Variants in DCAF8L2 observed in about 807,000 individuals in gnomAD.
DCAF8L2 encodes the protein DDB1 and CUL4 associated factor 8 like 2.
For synonymous variants in DCAF8L2, 200 were observed against 190.9 expected, an observed-to-expected ratio of 1.05 and a Z score of -0.39; for missense variants, 430 against 490.7, an observed-to-expected ratio of 0.88 and a Z score of 1.17.
chrX:27,592,421 T>TTG (rs1555916386), intron 1 of DCAF8L2, among the ~76,000 whole-genome samples: 10 of 100,998 alleles, frequency 9.9e-5, no homozygotes, highest in Non-Finnish European at 1.2e-4. Flanking sequence ...GTTTTTGTTT[T>TTG]TTTTTTTTTT....
At chrX:27,514,838 A>C in the DCAF8L2 span, among the ~76,000 whole-genome samples, 1 of 110,787 alleles carries the variant, frequency 9.0e-6, no homozygotes, top group Non-Finnish European at 1.9e-5. Context: ...AAAAAGGCTG[A>C]TTTTATAGAT....
the DCAF8L2 span, among the ~76,000 whole-genome samples, chrX:27,469,536 C>A: frequency 9.0e-6 from 1 of 111,677 alleles, no homozygotes; most frequent in African/African-American, 3.2e-5. Flanking sequence ...TTCGTCTTAA[C>A]ATTTTTGCCT....
intron 1 of DCAF8L2, among the ~76,000 whole-genome samples, chrX:27,627,626 T>TGGTG (rs1340739983): frequency 1.3e-3 from 142 of 108,111 alleles, no homozygotes; most frequent in Admixed American, 0.013. Context: ...CCGGGCACAG[T>TGGTG]GTCTCATGCC....
At chrX:27,561,459 A>G in the DCAF8L2 span, among the ~76,000 whole-genome samples, 2 of 111,795 alleles carry the variant, frequency 1.8e-5, no homozygotes, top group African/African-American at 6.5e-5. Context: ...TATGTTATAT[A>G]TAATTGACCA....
At chrX:27,726,940 T>G (rs1460858752) in intron 4 of DCAF8L2, among the ~76,000 whole-genome samples, 2 of 111,955 alleles carry the variant, frequency 1.8e-5, no homozygotes, top group Non-Finnish European at 1.9e-5. Flanking sequence ...ATAGTGGTAT[T>G]GTTGGATCAG....
intron 2 of DCAF8L2, among the ~76,000 whole-genome samples, chrX:27,674,543 A>T (rs975827768): frequency 9.0e-6 from 1 of 111,195 alleles, no homozygotes. Context: ...AAAGATGTGC[A>T]CACTGACTTT....
At position 27,596,799 on chromosome X, in the gene DCAF8L2, TATTTA is replaced by T. The variant is rs200674601; in HGVS notation, c.-342+6360_-342+6364del. Among the ~76,000 whole-genome samples the T allele has an allele frequency of 0.034, 551 of 16,163 alleles. 17 individuals are homozygous for T. In the East Asian group the frequency reaches 0.58, roughly 17 times the overall value. The allele number at this position is 16,163 out of a possible 115,157, so 14.0% of individuals were successfully genotyped here. A position where few individuals can be genotyped will look rare whatever the true frequency, so the allele number is the denominator to read the frequency against. On this transcript the variant is annotated intron_variant, in intron 1 of 4. Coordinates refer to ENST00000451261, the MANE Select transcript of DCAF8L2 (RefSeq NM_001353450.2). ...TGAGTATCAATATTATTATGGACAT[TATTTA>T]TCAATTGGGATATGTCTCTTATTTT...
In DCAF8L2 at chrX:27,746,846, G is replaced by A. The variant is rs1341476236; in HGVS notation, c.-50G>A. ...GCCAACTTTCTTCCCAGAGCTTTTAGGGGCCTGGCCTTTGCAGTTCCAGAT... is the reference window on the plus strand; with the variant it reads ...GCCAACTTTCTTCCCAGAGCTTTTAAGGGCCTGGCCTTTGCAGTTCCAGAT... On this transcript the variant is annotated 5_prime_UTR_variant, in exon 5 of 5. Coordinates refer to ENST00000451261, the MANE Select transcript of DCAF8L2 (RefSeq NM_001353450.2). 5.3e-6 allele frequency: 6 copies of A among 1,126,234 alleles called. No homozygotes were observed. Among genetic ancestry groups the A allele is most frequent in the Non-Finnish European group, 7.1e-6 (6 of 849,017 alleles). The allele number at this position is 1,126,234 out of a possible 1,213,427, so 92.8% of individuals were successfully genotyped here.
intron 2 of DCAF8L2, among the ~76,000 whole-genome samples, chrX:27,667,641 T>A (rs1009143617): frequency 9.0e-6 from 1 of 111,617 alleles, no homozygotes; most frequent in African/African-American, 3.3e-5. Flanking sequence ...TAGTAAGCAG[T>A]TATTAGGAGT....
chrX:27,563,842 C>T, the DCAF8L2 span, among the ~76,000 whole-genome samples: 1 of 111,729 alleles, frequency 9.0e-6, no homozygotes, highest in Non-Finnish European at 1.9e-5. Flanking sequence ...CTTTCTCATA[C>T]AGTATGTATT....
chrX:27,551,874 G>A, the DCAF8L2 span, among the ~76,000 whole-genome samples: 1 of 111,720 alleles, frequency 9.0e-6, no homozygotes, highest in Admixed American at 9.5e-5. Flanking sequence ...TGGATCATAT[G>A]GTAGTCGTAT....
Position 27,677,869 on chromosome X carries a change from A to T in DCAF8L2, c.-186A>T, listed in dbSNP as rs1024119323. ...TCTTAATTGAAGAAAATCATATCAC[A>T]TGTGAACTTTCTGACCATACTGTGG... On this transcript the variant is annotated 5_prime_UTR_variant, in exon 3 of 5. The change abolishes an upstream ATG in the 5' untranslated region. Transcript: ENST00000451261. 1.2e-4 allele frequency: 14 copies of T among 112,121 alleles called. No homozygotes were observed. Among genetic ancestry groups the T allele is most frequent in the African/African-American group, 3.9e-4 (12 of 30,888 alleles). The allele number at this position is 112,121 out of a possible 1,213,427, so 9.2% of individuals were successfully genotyped here.
the DCAF8L2 span, among the ~76,000 whole-genome samples, chrX:27,529,368 A>G: frequency 9.0e-6 from 1 of 111,214 alleles, no homozygotes; most frequent in East Asian, 2.8e-4. Flanking sequence ...GATAATATGC[A>G]TCAGTGTAAT....
intron 1 of DCAF8L2, among the ~76,000 whole-genome samples, chrX:27,624,264 G>A (rs753467859): frequency 9.0e-6 from 1 of 111,276 alleles, no homozygotes; most frequent in Non-Finnish European, 1.9e-5. Flanking sequence ...ATATGGGAAG[G>A]TAGTACCAAA....
At chrX:27,741,696 A>G (rs1921863650) in intron 4 of DCAF8L2, among the ~76,000 whole-genome samples, 1 of 111,625 alleles carries the variant, frequency 9.0e-6, no homozygotes. Flanking sequence ...GGCTTCCTAT[A>G]TACGGTATAT....
intron 3 of DCAF8L2, among the ~76,000 whole-genome samples, chrX:27,706,903 GATAA>G (rs1344394262): frequency 8.9e-6 from 1 of 112,296 alleles, no homozygotes; most frequent in Non-Finnish European, 1.9e-5. Context: ...CTGATGAATG[GATAA>G]ATAAGATGTG....
intron 1 of DCAF8L2, among the ~76,000 whole-genome samples, chrX:27,608,766 T>C (rs1260815214): frequency 9.1e-6 from 1 of 110,448 alleles, no homozygotes; most frequent in Non-Finnish European, 1.9e-5. Context: ...CTAAGATTTA[T>C]AAGTCCCTCT....
At chrX:27,687,539 A>G (rs1930555858) in intron 3 of DCAF8L2, among the ~76,000 whole-genome samples, 1 of 111,958 alleles carries the variant, frequency 8.9e-6, no homozygotes, top group Non-Finnish European at 1.9e-5. Context: ...GAAGTGTTAA[A>G]AATACAACAA....
intron 4 of DCAF8L2, among the ~76,000 whole-genome samples, chrX:27,744,306 GA>G (rs759824907): frequency 5.5e-4 from 61 of 111,366 alleles, no homozygotes; most frequent in African/African-American, 1.8e-3. Context: ...GCCCTTGACT[GA>G]TAATTAAAGG....
Sources: allele counts gnomAD v4.1 joint callset (sites outside exome capture counted in the v4.1 genomes callset), GRCh38; gene constraint gnomAD v4.1.1; transcripts MANE v1.5; gene names NCBI Gene and HGNC (gene_info 2026-07-23, HGNC 2026-07-21).